Variants in GRIN2A observed in about 807,000 individuals in gnomAD.
GRIN2A encodes the protein glutamate receptor ionotropic, NMDA 2A.
A neutral mutation model predicts 113.4 loss-of-function variants in GRIN2A; 22 were observed. The ratio of observed to expected loss-of-function variants is 0.19; its 90% CI spans 0.14 to 0.28. The LOEUF is 0.28. GRIN2A is among the 10% of genes least tolerant of loss of function. GRIN2A has a pLI of 1.00. For missense variants in GRIN2A, 1,502 were observed against 1,887.0 expected, an observed-to-expected ratio of 0.80 and a Z score of 3.78; for synonymous variants, 827 against 738.4, an observed-to-expected ratio of 1.12 and a Z score of -1.94.
At chr16:10,112,051 C>T (rs2048626238) in intron 2 of GRIN2A, 15 of 623,506 alleles carry the variant, frequency 2.4e-5, no homozygotes, top group Non-Finnish European at 4.4e-5. Context: ...GTCTCCCACA[C>T]CAACCTGAAG....
Position 9,763,607 on chromosome 16 carries a change from G to C in GRIN2A, c.3937C>G (p.Leu1313Val), listed in dbSNP as rs375287911. The C allele has an allele frequency of 3.7e-6, 6 of 1,613,384 alleles. No individual in the cohort carries two copies. The highest frequency in any genetic ancestry group is 5.1e-6 in the Non-Finnish European group (6 of 1,180,008). Residue 1313 changes from leucine to valine, a missense_variant, in exon 13 of 13, where the codon CTC becomes GTC. Leu to Val is a conservative substitution (Grantham distance 32). Coordinates refer to ENST00000330684, the MANE Select transcript of GRIN2A (RefSeq NM_001134407.3). ...TCCAGAAGCCGTTCCCTGTCCTTGA[G>C]GCTTATGCTCCGGGAGGGCCTGCTA... ...DLSRPSRSIS[L>V]KDRERLLEGN... is the part of the protein sequence containing the mutation.
At chr16:9,919,496 C>T (rs1341789025) in intron 3 of GRIN2A, among the ~76,000 whole-genome samples, 2 of 152,064 alleles carry the variant, frequency 1.3e-5, no homozygotes, top group African/African-American at 4.8e-5. Context: ...TCAAATAGGA[C>T]CCACCAAGGC....
At chr16:9,979,433 C>CT (rs755237274) in intron 2 of GRIN2A, among the ~76,000 whole-genome samples, 3 of 152,130 alleles carry the variant, frequency 2.0e-5, no homozygotes, top group Non-Finnish European at 4.4e-5. Context: ...ACCTGGAATG[C>CT]TTTTTCCTCC....
At chr16:10,142,172 T>C (rs1261390994) in intron 2 of GRIN2A, among the ~76,000 whole-genome samples, 1 of 152,004 alleles carries the variant, frequency 6.6e-6, no homozygotes, top group Non-Finnish European at 1.5e-5. Context: ...TATTGGAAGA[T>C]TTACTGAGCC....
chr16:10,145,102 G>T (rs1053878191), intron 2 of GRIN2A, among the ~76,000 whole-genome samples: 3 of 151,930 alleles, frequency 2.0e-5, no homozygotes, highest in African/African-American at 7.3e-5. Flanking sequence ...AAAACTGCAT[G>T]ATTCCACCCA....
chr16:9,802,829 A>G (rs1903448556), intron 10 of GRIN2A, among the ~76,000 whole-genome samples: 1 of 152,124 alleles, frequency 6.6e-6, no homozygotes, highest in Non-Finnish European at 1.5e-5. Context: ...ATTTAATTTC[A>G]TTAATTTAGA....
At chr16:10,067,496 G>T (rs2047671994) in intron 2 of GRIN2A, among the ~76,000 whole-genome samples, 1 of 152,178 alleles carries the variant, frequency 6.6e-6, no homozygotes, top group Admixed American at 6.5e-5. Context: ...CAGGACATGG[G>T]GCTGATATTA....
intron 2 of GRIN2A, among the ~76,000 whole-genome samples, chr16:9,975,980 A>G (rs1322075079): frequency 6.6e-6 from 1 of 152,214 alleles, no homozygotes; most frequent in Non-Finnish European, 1.5e-5. Flanking sequence ...ATGTGTATGA[A>G]CTTAATAACA....
At chr16:9,886,262 G>GA (rs1027208312) in intron 4 of GRIN2A, among the ~76,000 whole-genome samples, 15 of 151,598 alleles carry the variant, frequency 9.9e-5, no homozygotes, top group Admixed American at 2.6e-4. Flanking sequence ...TGGATGATTA[G>GA]AAAAAAAACA....
At chr16:10,126,973 T>C (rs971674281) in intron 2 of GRIN2A, among the ~76,000 whole-genome samples, 7 of 151,992 alleles carry the variant, frequency 4.6e-5, no homozygotes, top group African/African-American at 1.5e-4. Context: ...TCTGGGGGAG[T>C]TGGAGCTGCC....
intron 2 of GRIN2A, among the ~76,000 whole-genome samples, chr16:9,982,095 A>G (rs939084256): frequency 6.6e-6 from 1 of 152,098 alleles, no homozygotes; most frequent in Admixed American, 6.5e-5. Context: ...TGTAATTAAT[A>G]TGACTCTTGA....
At chr16:9,822,194 T>C (rs2042298138) in intron 10 of GRIN2A, 70 bp downstream of exon 10, 1 of 1,479,666 alleles carries the variant, frequency 6.8e-7, no homozygotes, top group African/African-American at 1.4e-5. Context: ...AACTGAGGCA[T>C]GCCGAGAGTC....
intron 2 of GRIN2A, among the ~76,000 whole-genome samples, chr16:10,060,949 C>A (rs2047542333): frequency 1.3e-5 from 2 of 152,214 alleles, no homozygotes; most frequent in Non-Finnish European, 2.9e-5. Flanking sequence ...GTTTCCCACC[C>A]AATGTCGGTT....
intron 2 of GRIN2A, among the ~76,000 whole-genome samples, chr16:10,116,313 T>C (rs1373599939): frequency 6.6e-6 from 1 of 151,998 alleles, no homozygotes; most frequent in East Asian, 1.9e-4. Context: ...CCAGAGTCTG[T>C]TGGTGGTGGG....
intron 2 of GRIN2A, among the ~76,000 whole-genome samples, chr16:10,005,293 C>T (rs903548159): frequency 3.3e-5 from 5 of 152,136 alleles, no homozygotes; most frequent in African/African-American, 4.8e-5. Flanking sequence ...GGCCAATGTA[C>T]CCTTAAAAGT....
At chr16:9,878,399 C>T (rs1263025798) in intron 4 of GRIN2A, among the ~76,000 whole-genome samples, 1 of 152,162 alleles carries the variant, frequency 6.6e-6, no homozygotes, top group African/African-American at 2.4e-5. Context: ...TTCTAAGCAC[C>T]TGATATATCA....
chr16:9,941,083 G>C (rs2044864598), intron 2 of GRIN2A, among the ~76,000 whole-genome samples: 1 of 152,182 alleles, frequency 6.6e-6, no homozygotes, highest in South Asian at 2.1e-4. Flanking sequence ...TGCAAAAGGT[G>C]GTGGATCAGC....
chr16:9,855,094 A>G (rs372880902), intron 4 of GRIN2A, among the ~76,000 whole-genome samples: 2 of 152,066 alleles, frequency 1.3e-5, no homozygotes, highest in Non-Finnish European at 2.9e-5. Context: ...CTTCATTGCT[A>G]CAGAACCCCT....
At chr16:10,070,108 C>T (rs1272829048) in intron 2 of GRIN2A, among the ~76,000 whole-genome samples, 5 of 152,196 alleles carry the variant, frequency 3.3e-5, no homozygotes, top group Non-Finnish European at 7.3e-5. Flanking sequence ...TCTTCTCTAC[C>T]TGAGTGGTAG....
Sources: allele counts gnomAD v4.1 joint callset (sites outside exome capture counted in the v4.1 genomes callset), GRCh38; gene constraint gnomAD v4.1.1; transcripts MANE v1.5; gene names NCBI Gene and HGNC (gene_info 2026-07-23, HGNC 2026-07-21).